The following ITGA5 variants were observed in gnomAD, a reference collection of about 807,000 sequenced individuals.
ITGA5 encodes integrin subunit alpha 5.
In ITGA5, 55 loss-of-function variants were observed where a neutral mutation model predicts 146.3. The observed-to-expected ratio is 0.38, with a 90% CI of 0.30 to 0.47. The LOEUF (loss-of-function observed/expected upper bound fraction) is 0.47. Ranked by LOEUF, ITGA5 falls within the 20% of genes least tolerant of loss-of-function variation. ITGA5 has a pLI of 0.99. For missense variants in ITGA5, 1,131 were observed against 1,329.0 expected, an observed-to-expected ratio of 0.85 and a Z score of 2.32; for synonymous variants, 500 against 531.8, an observed-to-expected ratio of 0.94 and a Z score of 0.82.
intron 29 of ITGA5, 68 bp from the exon 30 acceptor site, chr12:54,396,444 A>G: frequency 6.2e-6 from 8 of 1,294,664 alleles, no homozygotes; most frequent in Non-Finnish European, 8.9e-6. Flanking sequence ...TCTTATTCCA[A>G]GAAGTAATAA....
chr12:54,406,018 C>T, intron 9 of ITGA5, 92 bp from the exon 10 acceptor site: 1 of 1,154,194 alleles, frequency 8.7e-7, no homozygotes, highest in South Asian at 1.2e-5. Context: ...CAGGGGCAGG[C>T]ATTCCTTAGA....
Position 54,419,226 on chromosome 12 carries a change from CA to C in ITGA5, c.-29del. Reference sequence around the variant, plus strand: ...CGCCCGCTCTTCCCTGTCCTGGGGCCACCGACCCGGAGCCGCTTCCTAAACC... The same window carrying C: ...CGCCCGCTCTTCCCTGTCCTGGGGCCCCGACCCGGAGCCGCTTCCTAAACC... On this transcript the variant is annotated 5_prime_UTR_variant, in exon 1 of 30. Coordinates refer to ENST00000293379, the MANE Select transcript of ITGA5 (RefSeq NM_002205.5). 1 of 1,548,138 alleles carries C rather than the reference CA, an allele frequency of 6.5e-7. No individual in the cohort carries two copies. Among genetic ancestry groups the C allele is most frequent in the East Asian group, 2.4e-5 (1 of 40,874 alleles).
rs181870319 is a variant in ITGA5, at chr12:54,418,691, C to T, written c.218+290G>A. ...CAGCTCTCCATTCACGCGCTCTCCT[C>T]TCCCTTGGCCCGGAGACCCCTGCCC... is the stretch of plus-strand genomic sequence containing the variant. On this transcript the variant is annotated intron_variant, in intron 1 of 29. Coordinates refer to ENST00000293379, the MANE Select transcript of ITGA5 (RefSeq NM_002205.5). 7.3e-3 allele frequency among the ~76,000 whole-genome samples: 1,098 copies of T among 151,024 alleles called. 16 individuals are homozygous for T. The highest frequency in any genetic ancestry group is 0.025 in the African/African-American group (1,014 of 41,158).
At chr12:54,410,134 C>T (rs1466236431) in intron 2 of ITGA5, among the ~76,000 whole-genome samples, 2 of 152,120 alleles carry the variant, frequency 1.3e-5, no homozygotes, top group African/African-American at 4.8e-5. Context: ...GGATTACAAG[C>T]GTGAGCCACT....
At chr12:54,400,061 C>A in intron 25 of ITGA5, 114 bp from the exon 26 acceptor site, 1 of 743,974 alleles carries the variant, frequency 1.3e-6, no homozygotes, top group South Asian at 1.5e-5. Context: ...TTTATTGATT[C>A]ATCCAACTGT....
In ITGA5 at chr12:54,419,199, A is replaced by G; in HGVS notation, c.-1T>C. Reference sequence around the variant, plus strand: ...GGGACTCTGGCGTCCGGCTCCCCATAGCGCCCGCTCTTCCCTGTCCTGGGG... The same window carrying G: ...GGGACTCTGGCGTCCGGCTCCCCATGGCGCCCGCTCTTCCCTGTCCTGGGG... On this transcript the variant is annotated 5_prime_UTR_variant, in exon 1 of 30. Coordinates refer to ENST00000293379, the MANE Select transcript of ITGA5 (RefSeq NM_002205.5). 2 of 1,555,436 alleles carry G rather than the reference A, an allele frequency of 1.3e-6. No homozygotes were observed. The highest frequency in any genetic ancestry group is 2.7e-5 in the African/African-American group (2 of 73,224).
At chr12:54,408,075 T>C (rs1226251845) in intron 7 of ITGA5, 35 bp downstream of exon 7, 1 of 1,612,900 alleles carries the variant, frequency 6.2e-7, no homozygotes, top group South Asian at 1.1e-5. Flanking sequence ...CTTGAGGTTC[T>C]CCCTCTGCCA....
At position 54,411,730 on chromosome 12, in the gene ITGA5, C is replaced by T. The variant is rs1955945865; in HGVS notation, c.349+104G>A. On this transcript the variant is annotated intron_variant, in intron 2 of 29. Transcript: ENST00000293379. ...GAGCTGGTGCTGAGAGGTCACGTGG[C>T]CGGGGTTCCAGCAGGCTCCACCCCT... 7.9e-6 allele frequency: 8 copies of T among 1,011,724 alleles called. 1 individual carries two copies. In the South Asian group the frequency reaches 1.8e-4, roughly 23 times the overall value. The allele number at this position is 1,011,724 out of a possible 1,614,324, so 62.7% of individuals were successfully genotyped here.
chr12:54,400,282 G>A (rs1955770758), intron 25 of ITGA5: 2 of 288,562 alleles, frequency 6.9e-6, no homozygotes, highest in Non-Finnish European at 1.3e-5. Context: ...GTTCAGCTGT[G>A]ACGTCTTCAA....
At chr12:54,404,333 T>C in intron 14 of ITGA5, 87 bp from the exon 15 acceptor site, 3 of 1,565,462 alleles carry the variant, frequency 1.9e-6, no homozygotes, top group Non-Finnish European at 2.6e-6. Flanking sequence ...CCAGAATGTG[T>C]GTCCTCTGCA....
intron 9 of ITGA5, among the ~76,000 whole-genome samples, chr12:54,406,571 T>C (rs1477948459): frequency 6.6e-6 from 1 of 152,224 alleles, no homozygotes; most frequent in South Asian, 2.1e-4. Flanking sequence ...AAGTCTCAAC[T>C]TCTTGGCTGG....
At chr12:54,399,518 G>C in intron 27 of ITGA5, 127 bp downstream of exon 27, 1 of 696,680 alleles carries the variant, frequency 1.4e-6, no homozygotes, top group Non-Finnish European at 2.6e-6. Flanking sequence ...ACAAGGGCAA[G>C]GAAGGGGAGC....
At chr12:54,402,134 TCTAGAGGG>T in intron 20 of ITGA5, 38 bp downstream of exon 20, 1 of 1,613,796 alleles carries the variant, frequency 6.2e-7, no homozygotes, top group Non-Finnish European at 8.5e-7. Context: ...TGGTGTCCCC[TCTAGAGGG>T]GTATCCTCCC....
rs1463880904 is a variant in ITGA5, at chr12:54,419,117, G to A, written c.82C>T (p.Leu28=). 1.3e-6 allele frequency: 2 copies of A among 1,590,898 alleles called. No homozygotes were observed. The highest frequency in any genetic ancestry group is 1.7e-6 in the Non-Finnish European group (2 of 1,171,568). The change falls in exon 1 of 30, where the codon CTG becomes TTG. Residue 28 remains leucine, a synonymous_variant. Coordinates refer to ENST00000293379, the MANE Select transcript of ITGA5 (RefSeq NM_002205.5). ...GGCGGCGGCAGCAGCAGCAACAGCA[G>A]CGGCAGCAGCGGGGGTCGGCGCCGG... ...GPRRRPPLLP[L]LLLLLPPPPR...
At chr12:54,397,170 C>A (rs2120456333) in intron 29 of ITGA5, 195 bp downstream of exon 29, 1 of 481,026 alleles carries the variant, frequency 2.1e-6, no homozygotes, top group East Asian at 3.4e-5. Context: ...GTCAAGAGGA[C>A]CCTTTCTAAG....
At position 54,409,844 on chromosome 12, in the gene ITGA5, G is replaced by A. The variant is rs911430203; in HGVS notation, c.350-247C>T. ...CACATACATACACACGCACGCACAC[G>A]CACACAGAACCTGGGCTTTCTTTTT... On this transcript the variant is annotated intron_variant, in intron 2 of 29. Coordinates refer to ENST00000293379, the MANE Select transcript of ITGA5 (RefSeq NM_002205.5). This position sits in a 1 kb window ranked among gnomAD's most constrained non-coding sequence, Gnocchi z 4.7. 1.0e-5 allele frequency: 4 copies of A among 384,202 alleles called. No individual in the cohort carries two copies. Among genetic ancestry groups the A allele is most frequent in the African/African-American group, 6.3e-5 (3 of 47,326 alleles). 23.8% of individuals were successfully genotyped at this position (384,202 alleles called of 1,614,324 possible).
chr12:54,418,624 G>A (rs1296491523), intron 1 of ITGA5, among the ~76,000 whole-genome samples: 4 of 44,180 alleles, frequency 9.1e-5, no homozygotes, highest in African/African-American at 2.7e-4. Context: ...GCCCCCACCC[G>A]CCCCAGGTCC....
intron 13 of ITGA5, 80 bp from the exon 14 acceptor site, chr12:54,404,555 G>C (rs758168935): frequency 6.5e-7 from 1 of 1,543,312 alleles, no homozygotes; most frequent in African/African-American, 1.4e-5. Context: ...TGGTTTCAAC[G>C]CTCAGGGAGG....
At chr12:54,410,401 A>G (rs1195183880) in intron 2 of ITGA5, among the ~76,000 whole-genome samples, 2 of 145,396 alleles carry the variant, frequency 1.4e-5, no homozygotes, top group African/African-American at 5.2e-5. Context: ...GCTGGAGTGC[A>G]GTGGCGTGAT....
Sources: allele counts gnomAD v4.1 joint callset (sites outside exome capture counted in the v4.1 genomes callset), GRCh38; gene constraint gnomAD v4.1.1; non-coding constraint Gnocchi (gnomAD v3.1); transcripts MANE v1.5; gene names NCBI Gene and HGNC (gene_info 2026-07-23, HGNC 2026-07-21).